Variants in ELP4 observed in about 807,000 individuals in gnomAD.
ELP4 encodes the protein elongator acetyltransferase complex subunit 4.
ELP4 carries 51 observed loss-of-function variants against 48.9 expected under a neutral mutation model. That is an observed-to-expected ratio of 1.04 (90% CI 0.83 to 1.32). ELP4 has a LOEUF of 1.32. Among genes scored for constraint, ELP4 ranks in the 40% most tolerant of loss-of-function variants. The pLI is 0.00. For missense variants in ELP4, 519 were observed against 514.6 expected, an observed-to-expected ratio of 1.01 and a Z score of -0.08; for synonymous variants, 210 against 189.2, an observed-to-expected ratio of 1.11 and a Z score of -0.90.
At chr11:31,523,206 G>A (rs564079884) in intron 2 of ELP4, among the ~76,000 whole-genome samples, 17 of 151,900 alleles carry the variant, frequency 1.1e-4, no homozygotes, top group Non-Finnish European at 2.5e-4. Flanking sequence ...CCAAGTCTAT[G>A]TGACTTGTAC....
intron 9 of ELP4, among the ~76,000 whole-genome samples, chr11:31,769,570 G>A (rs1282766698): frequency 2.0e-5 from 3 of 152,104 alleles, no homozygotes; most frequent in Non-Finnish European, 4.4e-5. Flanking sequence ...GTATCAGTCA[G>A]ACCTCTGCCA....
chr11:31,756,217 A>C (rs1013833478), intron 9 of ELP4, among the ~76,000 whole-genome samples: 1 of 152,084 alleles, frequency 6.6e-6, no homozygotes, highest in African/African-American at 2.4e-5. Context: ...CCCACACAAG[A>C]ATGATGTCCT....
intron 9 of ELP4, among the ~76,000 whole-genome samples, chr11:31,777,865 GGAGTGTCTCTGTA>G (rs1403375248): frequency 1.3e-5 from 2 of 152,166 alleles, no homozygotes; most frequent in Non-Finnish European, 2.9e-5. Flanking sequence ...GAAGAGGGTA[GGAGTGTCTCTGTA>G]TTATAGCTAC....
At chr11:31,510,233 C>T (rs1466579719) in intron 1 of ELP4, 5 of 570,132 alleles carry the variant, frequency 8.8e-6, no homozygotes, top group Non-Finnish European at 1.6e-5. Flanking sequence ...TCATTCCCTG[C>T]CCTCCAACCC....
At chr11:31,695,402 T>A (rs1946378871) in intron 9 of ELP4, among the ~76,000 whole-genome samples, 1 of 152,192 alleles carries the variant, frequency 6.6e-6, no homozygotes, top group Non-Finnish European at 1.5e-5. Context: ...CTTTTCTGCA[T>A]CTATTGAGAT....
intron 3 of ELP4, among the ~76,000 whole-genome samples, chr11:31,571,263 A>G (rs1217179930): frequency 6.6e-6 from 1 of 152,236 alleles, no homozygotes; most frequent in Non-Finnish European, 1.5e-5. Flanking sequence ...AACAGTGTTC[A>G]TAGCGCCTTC....
Position 31,603,904 on chromosome 11 carries a change from C to A in ELP4, c.650C>A (p.Pro217His). The change falls in exon 5 of 10, where the codon CCC (proline) becomes CAC (histidine). Residue 217 changes from proline to histidine, a missense_variant. Physicochemically the swap from Pro to His is moderately conservative, Grantham distance 77 (BLOSUM62 -2). Coordinates refer to ENST00000640961, the MANE Select transcript of ELP4 (RefSeq NM_019040.5). ...EKISSTLKVE[P>H]CSLTPGYTKL... ...ATATCTTCAACTCTCAAAGTAGAAC[C>A]CTGGTAAGTTAATGACCCATTTAAT... is the stretch of plus-strand genomic sequence containing the variant. 1 of 1,609,838 alleles carries A rather than the reference C, an allele frequency of 6.2e-7. No homozygotes were observed. Among genetic ancestry groups the A allele is most frequent in the Non-Finnish European group, 8.5e-7 (1 of 1,177,388 alleles).
intron 9 of ELP4, among the ~76,000 whole-genome samples, chr11:31,769,732 CAGAA>C (rs1948100321): frequency 6.6e-6 from 1 of 152,066 alleles, no homozygotes; most frequent in Non-Finnish European, 1.5e-5. Context: ...AGTAAACAAA[CAGAA>C]AGATATTGTT....
intron 9 of ELP4, chr11:31,720,091 A>G (rs974000570): frequency 3.9e-5 from 6 of 151,974 alleles, no homozygotes; most frequent in Non-Finnish European, 7.4e-5. Flanking sequence ...TTCATCATCT[A>G]TTTTTATTCA....
intron 9 of ELP4, among the ~76,000 whole-genome samples, chr11:31,672,112 A>T (rs1036661894): frequency 6.6e-6 from 1 of 152,138 alleles, no homozygotes; most frequent in African/African-American, 2.4e-5. Context: ...CCTGATATCT[A>T]TTAGGGGTAG....
At chr11:31,565,490 G>A (rs7113412) in intron 3 of ELP4, among the ~76,000 whole-genome samples, 87,887 of 140,622 alleles carry the variant, frequency 0.62, 29,369 homozygotes, top group African/African-American at 0.87. Flanking sequence ...TTTCTTCTAG[G>A]GTTTTTATGG....
Position 31,682,392 on chromosome 11 carries a change from C to A in ELP4, c.1143+32171C>A, listed in dbSNP as rs80269934. Among the ~76,000 whole-genome samples, 837 of 152,314 alleles carry A rather than the reference C, an allele frequency of 5.5e-3. 12 individuals carry two copies. The highest frequency in any genetic ancestry group is 0.019 in the African/African-American group (796 of 41,568). On this transcript the variant is annotated intron_variant, in intron 9 of 9. Transcript: ENST00000640961. ...TGGTAGCACTACTTCGGTCACACTT[C>A]CAGGATGCTTACTGTCTTTGCCCCT...
intron 9 of ELP4, among the ~76,000 whole-genome samples, chr11:31,694,921 A>G (rs573740232): frequency 6.6e-6 from 1 of 152,308 alleles, no homozygotes; most frequent in African/African-American, 2.4e-5. Flanking sequence ...TCTTTGAAGC[A>G]GTTGTGAATG....
intron 2 of ELP4, among the ~76,000 whole-genome samples, chr11:31,537,995 A>C (rs1199313541): frequency 6.6e-6 from 1 of 152,148 alleles, no homozygotes; most frequent in East Asian, 1.9e-4. Context: ...TGAACATGAT[A>C]TATCTCTCCA....
At chr11:31,745,938 A>G (rs1442007537) in intron 9 of ELP4, among the ~76,000 whole-genome samples, 1 of 152,200 alleles carries the variant, frequency 6.6e-6, no homozygotes, top group Non-Finnish European at 1.5e-5. Flanking sequence ...AGAAACTACC[A>G]TCAGAGTGAA....
chr11:31,557,211 A>G (rs1236154654), intron 3 of ELP4, among the ~76,000 whole-genome samples: 1 of 151,876 alleles, frequency 6.6e-6, no homozygotes, highest in Non-Finnish European at 1.5e-5. Flanking sequence ...AAGTTAAAAT[A>G]ATATCTTAAT....
At chr11:31,741,399 T>A (rs1449714821) in intron 9 of ELP4, among the ~76,000 whole-genome samples, 1 of 152,184 alleles carries the variant, frequency 6.6e-6, no homozygotes. Context: ...AAGAGAGCAG[T>A]GGTTCTCCCA....
At chr11:31,611,034 G>T (rs183164874) in intron 5 of ELP4, among the ~76,000 whole-genome samples, 1 of 152,240 alleles carries the variant, frequency 6.6e-6, no homozygotes, top group Admixed American at 6.6e-5. Context: ...TTACATGCTA[G>T]CCTACATTAC....
chr11:31,736,223 G>A (rs1947313119), intron 9 of ELP4, among the ~76,000 whole-genome samples: 1 of 152,066 alleles, frequency 6.6e-6, no homozygotes, highest in Non-Finnish European at 1.5e-5. Context: ...CAAAGAATGG[G>A]GAAAGGATTC....
Sources: allele counts gnomAD v4.1 joint callset (sites outside exome capture counted in the v4.1 genomes callset), GRCh38; gene constraint gnomAD v4.1.1; transcripts MANE v1.5; gene names NCBI Gene and HGNC (gene_info 2026-07-23, HGNC 2026-07-21).